ATP9A: variants seen among roughly 807,000 people sequenced by gnomAD.
The protein encoded by ATP9A is ATPase phospholipid transporting 9A.
Under a neutral mutation model 144.1 loss-of-function variants are expected in ATP9A, and 52 were observed. That is an observed-to-expected ratio of 0.36 (90% CI 0.29 to 0.45). The LOEUF (loss-of-function observed/expected upper bound fraction) is 0.45, where lower values mean the gene tolerates loss of function less well. Ranked by LOEUF, ATP9A falls within the 20% of genes least tolerant of loss-of-function variation. The probability of loss-of-function intolerance (pLI) is 1.00; values close to 1 mark genes in which losing one functional copy is unlikely to be tolerated. For synonymous variants in ATP9A, 582 were observed against 557.4 expected, an observed-to-expected ratio of 1.04 and a Z score of -0.62; for missense variants, 947 against 1,392.7, an observed-to-expected ratio of 0.68 and a Z score of 5.09.
At position 51,600,673 on chromosome 20, in the gene ATP9A, T is replaced by C. The variant is rs2077138511; in HGVS notation, c.*538A>G. 6.6e-6 allele frequency: 1 copy of C among 152,258 alleles called. No homozygotes were observed. The highest frequency in any genetic ancestry group is 2.1e-4 in the South Asian group (1 of 4,822). 9.4% of individuals were successfully genotyped at this position (152,258 alleles called of 1,614,324 possible). A position where few individuals can be genotyped will look rare whatever the true frequency, so the allele number is the denominator to read the frequency against. On this transcript the variant is annotated 3_prime_UTR_variant, in exon 28 of 28. Coordinates refer to ENST00000338821, the MANE Select transcript of ATP9A (RefSeq NM_006045.3). ...CTGAGCATTTCCGAATGGAGATTAT[T>C]GTGTGGATAACTTTTTACCAAATGT...
chr20:51,597,434 T>G lies in ATP9A; in HGVS notation c.*3777A>C, dbSNP rs983729176. The stretch of plus-strand genomic sequence containing the variant: ...TTTACAAAGCTCTTTGTATATTTTT[T>G]TAAATGAAAACAAAGCTGGGAGTGA... On this transcript the variant is annotated 3_prime_UTR_variant, in exon 28 of 28. Transcript: ENST00000338821. 2.6e-5 allele frequency: 4 copies of G among 152,204 alleles called. No individual in the cohort carries two copies. Among genetic ancestry groups the G allele is most frequent in the African/African-American group, 9.7e-5 (4 of 41,438 alleles). The allele number at this position is 152,204 out of a possible 1,614,324, so 9.4% of individuals were successfully genotyped here. A position where few individuals can be genotyped will look rare whatever the true frequency, so the allele number is the denominator to read the frequency against.
intron 3 of ATP9A, among the ~76,000 whole-genome samples, chr20:51,724,381 C>T (rs981375716): frequency 9.2e-5 from 14 of 152,132 alleles, no homozygotes; most frequent in African/African-American, 3.4e-4. Context: ...TAAGCACATG[C>T]CTGCTGCAGG....
intron 13 of ATP9A, among the ~76,000 whole-genome samples, chr20:51,657,975 C>T (rs1211458244): frequency 6.6e-6 from 1 of 152,230 alleles, no homozygotes. Flanking sequence ...CCATCCCTTC[C>T]TTTCCAACTG....
intron 19 of ATP9A, among the ~76,000 whole-genome samples, chr20:51,619,540 G>A (rs1381360749): frequency 1.4e-5 from 2 of 140,976 alleles, no homozygotes; most frequent in African/African-American, 5.2e-5. Flanking sequence ...TGGCAGTATG[G>A]GCAACAGAGC....
At chr20:51,608,394 G>T in intron 25 of ATP9A, 124 bp downstream of exon 25, 1 of 704,620 alleles carries the variant, frequency 1.4e-6, no homozygotes, top group Non-Finnish European at 2.5e-6. Context: ...CAGTTCAAGT[G>T]TGTTCAAATC....
chr20:51,609,950 T>C, intron 24 of ATP9A, 151 bp downstream of exon 24: 1 of 661,114 alleles, frequency 1.5e-6, no homozygotes, highest in Non-Finnish European at 2.6e-6. Context: ...TGAAGGAGGT[T>C]CTAAACCATG....
chr20:51,638,071 T>TTATTTATATATA (rs2077300968), intron 15 of ATP9A, among the ~76,000 whole-genome samples: 7 of 34,180 alleles, frequency 2.0e-4, no homozygotes, highest in Non-Finnish European at 2.9e-4. Context: ...TTTCATCATT[T>TTATTTATATATA]TATATATATA....
rs376113489 is a variant in ATP9A at position 51,639,335 on chromosome 20, C to T, written c.1668+8G>A. On this transcript the variant is annotated splice_region_variant and intron_variant, in intron 15 of 27. Transcript: ENST00000338821. ...AAGCACTTTAAGCCATGAATAAAAA[C>T]GACTCACCCGCACGATGATGCCCAT... 4.3e-5 allele frequency: 69 copies of T among 1,608,362 alleles called. 1 individual carries two copies. In the Middle Eastern group the frequency reaches 6.6e-4, roughly 15 times the overall value.
Position 51,611,520 on chromosome 20 carries a change from T to C in ATP9A, c.2572-1355A>G, listed in dbSNP as rs867371645. On this transcript the variant is annotated intron_variant, in intron 23 of 27. Coordinates refer to ENST00000338821, the MANE Select transcript of ATP9A (RefSeq NM_006045.3). This position sits in a 1 kb window ranked among gnomAD's most constrained non-coding sequence, Gnocchi z 4.2. ...AACACTGTGTTCTCTGACAGACTCA[T>C]GTCCCGGTGCAATTCTAACTGGGAC... 6.6e-6 allele frequency among the ~76,000 whole-genome samples: 1 copy of C among 152,170 alleles called. No individual in the cohort carries two copies.
chr20:51,767,445 C>T lies in ATP9A; in HGVS notation c.68+857G>A, dbSNP rs535330109. On this transcript the variant is annotated intron_variant, in intron 1 of 27. Transcript: ENST00000338821. Reference sequence around the variant, plus strand: ...CACGCCCAGGTAAGTCTATGGCAGGCGATACGAGAGCCCCGCAAACCTCAA... The same window carrying T: ...CACGCCCAGGTAAGTCTATGGCAGGTGATACGAGAGCCCCGCAAACCTCAA... Among the ~76,000 whole-genome samples, 33 of 145,862 alleles carry T rather than the reference C, an allele frequency of 2.3e-4. No individual in the cohort carries two copies. In the South Asian group the frequency reaches 6.2e-3, roughly 27 times the overall value.
chr20:51,631,259 C>T (rs1272449976), intron 15 of ATP9A, among the ~76,000 whole-genome samples: 1 of 152,192 alleles, frequency 6.6e-6, no homozygotes, highest in African/African-American at 2.4e-5. Flanking sequence ...CTCATAAGAG[C>T]ACCCCCAGGC....
intron 4 of ATP9A, among the ~76,000 whole-genome samples, chr20:51,711,948 T>C (rs2426386): frequency 0.94 from 141,002 of 149,810 alleles, 66,412 homozygotes; most frequent in African/African-American, 0.99. Context: ...CTCCGCCTCC[T>C]AGGTTCAAGT....
intron 25 of ATP9A, 44 bp downstream of exon 25, chr20:51,608,474 C>CAAAGGAGG (rs756613021): frequency 1.6e-6 from 2 of 1,289,548 alleles, no homozygotes; most frequent in Non-Finnish European, 1.1e-6. Flanking sequence ...AAGGGAAAAG[C>CAAAGGAGG]AAAGGAGGAA....
At chr20:51,690,376 T>C (rs1430335098) in intron 8 of ATP9A, among the ~76,000 whole-genome samples, 5 of 151,896 alleles carry the variant, frequency 3.3e-5, no homozygotes, top group South Asian at 2.1e-4. Flanking sequence ...GCCGAGATGG[T>C]GCCACTGGAC....
At chr20:51,649,670 T>C (rs1431876210) in intron 14 of ATP9A, among the ~76,000 whole-genome samples, 3 of 152,164 alleles carry the variant, frequency 2.0e-5, no homozygotes, top group Non-Finnish European at 4.4e-5. Context: ...ATCCCAGCAC[T>C]GTGGGAGGCC....
intron 4 of ATP9A, among the ~76,000 whole-genome samples, chr20:51,705,856 G>A (rs1234820098): frequency 5.3e-5 from 8 of 152,090 alleles, no homozygotes; most frequent in Admixed American, 5.2e-4. Context: ...AGTTTTGCTG[G>A]GTCTGCTACA....
chr20:51,699,117 A>G (rs888477153), intron 4 of ATP9A, among the ~76,000 whole-genome samples: 1 of 152,078 alleles, frequency 6.6e-6, no homozygotes, highest in Admixed American at 6.5e-5. Context: ...CGAGGCAGGT[A>G]GATCACCTGA....
intron 13 of ATP9A, among the ~76,000 whole-genome samples, chr20:51,669,393 G>A (rs994513941): frequency 5.9e-5 from 9 of 152,146 alleles, no homozygotes; most frequent in African/African-American, 2.2e-4. Flanking sequence ...GAAAAATAAA[G>A]GTAGGAACAG....
At chr20:51,636,684 C>T (rs551811680) in intron 15 of ATP9A, among the ~76,000 whole-genome samples, 22 of 152,298 alleles carry the variant, frequency 1.4e-4, no homozygotes, top group African/African-American at 5.1e-4. Flanking sequence ...TGAACTTGAA[C>T]GGTTTCTGAG....
Sources: gnomAD v4.1 joint callset for allele counts (sites outside exome capture counted in the v4.1 genomes callset) on GRCh38, gnomAD v4.1.1 for gene constraint, Gnocchi (gnomAD v3.1) non-coding constraint, MANE v1.5 for transcripts, NCBI Gene and HGNC (gene_info 2026-07-23, HGNC 2026-07-21) for gene names.